The following ACBD6 variants were observed in gnomAD, a reference collection of about 807,000 sequenced individuals.
ACBD6 encodes acyl-CoA binding domain containing 6.
Under a neutral mutation model 37.2 loss-of-function variants are expected in ACBD6, and 28 were observed. The observed-to-expected ratio is 0.75, with a 90% CI of 0.56 to 1.03. The LOEUF (loss-of-function observed/expected upper bound fraction) is 1.03. Ranked by LOEUF, ACBD6 falls within the 50% of genes least tolerant of loss-of-function variation. The pLI, the probability that ACBD6 is intolerant of heterozygous loss-of-function variation, is 0.00. For missense variants in ACBD6, 340 were observed against 337.4 expected (o/e 1.01, Z -0.06); for synonymous variants, 113 against 126.8 (o/e 0.89, Z 0.73).
intron 6 of ACBD6, among the ~76,000 whole-genome samples, chr1:180,371,669 T>A (rs953655903): frequency 6.6e-6 from 1 of 152,132 alleles, no homozygotes; most frequent in African/African-American, 2.4e-5. Flanking sequence ...TGTTTGGTCA[T>A]AAGAGGTAGG....
chr1:180,501,918 A>C (rs1036628442), intron 1 of ACBD6, 127 bp downstream of exon 1: 116 of 656,072 alleles, frequency 1.8e-4, no homozygotes, highest in Non-Finnish European at 2.3e-4. Context: ...AAAAAAAAAA[A>C]CAAAACAAAA....
intron 6 of ACBD6, among the ~76,000 whole-genome samples, chr1:180,362,962 A>G (rs527781622): frequency 5.9e-5 from 9 of 152,208 alleles, no homozygotes; most frequent in Non-Finnish European, 1.3e-4. Flanking sequence ...AGAAACTTTA[A>G]TATTCTCTTT....
intron 6 of ACBD6, among the ~76,000 whole-genome samples, chr1:180,385,456 G>A (rs2101933539): frequency 6.7e-6 from 1 of 149,922 alleles, no homozygotes. Flanking sequence ...TAAATATAAA[G>A]ATACAGTGTT....
intron 7 of ACBD6, among the ~76,000 whole-genome samples, chr1:180,289,550 A>C (rs1649620187): frequency 6.6e-6 from 1 of 152,226 alleles, no homozygotes; most frequent in Non-Finnish European, 1.5e-5. Flanking sequence ...GGTTAAACCT[A>C]AACACACATA....
downstream of ACBD6, among the ~76,000 whole-genome samples, chr1:180,287,830 CG>C (rs1273693610): frequency 6.6e-6 from 1 of 152,130 alleles, no homozygotes; most frequent in African/African-American, 2.4e-5. Context: ...ACACCCCTTA[CG>C]TGACAAAATT....
intron 7 of ACBD6, among the ~76,000 whole-genome samples, chr1:180,309,644 C>T (rs1211167219): frequency 6.6e-6 from 1 of 152,174 alleles, no homozygotes; most frequent in Non-Finnish European, 1.5e-5. Flanking sequence ...GAGCAGTGAA[C>T]TCTAGACCGT....
intron 6 of ACBD6, among the ~76,000 whole-genome samples, chr1:180,384,412 C>G (rs1459405333): frequency 6.6e-6 from 1 of 152,082 alleles, no homozygotes; most frequent in Non-Finnish European, 1.5e-5. Flanking sequence ...AAATGCTTAA[C>G]ATCACTAATC....
At chr1:180,365,668 G>A (rs1292871196) in intron 6 of ACBD6, among the ~76,000 whole-genome samples, 2 of 152,092 alleles carry the variant, frequency 1.3e-5, no homozygotes, top group Non-Finnish European at 2.9e-5. Context: ...CTTTGTAAGA[G>A]CAACACTACA....
At chr1:180,349,452 T>C (rs1652320603) in intron 6 of ACBD6, among the ~76,000 whole-genome samples, 1 of 151,984 alleles carries the variant, frequency 6.6e-6, no homozygotes, top group Non-Finnish European at 1.5e-5. Flanking sequence ...AGATGGGGTT[T>C]CACCGTGTTA....
At chr1:180,432,424 A>C (rs1369969428) in intron 3 of ACBD6, among the ~76,000 whole-genome samples, 1 of 152,170 alleles carries the variant, frequency 6.6e-6, no homozygotes, top group Non-Finnish European at 1.5e-5. Context: ...TAAGTTACCC[A>C]ATGAAAAACG....
chr1:180,303,952 A>T (rs1475101627), intron 7 of ACBD6, among the ~76,000 whole-genome samples: 1 of 151,028 alleles, frequency 6.6e-6, no homozygotes, highest in Non-Finnish European at 1.5e-5. Flanking sequence ...CTGGTTCAAC[A>T]TACGCAAATC....
chr1:180,443,805 A>G (rs1210074816), intron 3 of ACBD6, among the ~76,000 whole-genome samples: 1 of 125,126 alleles, frequency 8.0e-6, no homozygotes, highest in Admixed American at 8.0e-5. Context: ...TTGTATTTTT[A>G]GTAGAGACAG....
chr1:180,465,915 C>G (rs534598972), intron 3 of ACBD6, among the ~76,000 whole-genome samples: 1 of 152,086 alleles, frequency 6.6e-6, no homozygotes, highest in Admixed American at 6.6e-5. Flanking sequence ...GAACAGAAAA[C>G]CAAATACCGT....
chr1:180,305,190 C>T (rs893981102), intron 7 of ACBD6, among the ~76,000 whole-genome samples: 1 of 152,140 alleles, frequency 6.6e-6, no homozygotes, highest in Admixed American at 6.5e-5. Context: ...TAGGCATGGG[C>T]AAGGACTTCA....
chr1:180,313,692 A>G (rs991120829), intron 7 of ACBD6, among the ~76,000 whole-genome samples: 1 of 152,122 alleles, frequency 6.6e-6, no homozygotes, highest in Non-Finnish European at 1.5e-5. Flanking sequence ...AGCCATATTC[A>G]CACCCAAATA....
At chr1:180,294,239 A>C (rs1649828959) in intron 7 of ACBD6, among the ~76,000 whole-genome samples, 1 of 152,092 alleles carries the variant, frequency 6.6e-6, no homozygotes, top group Admixed American at 6.5e-5. Context: ...TGTCTTTAAA[A>C]AAATTTGTCC....
chr1:180,421,185 G>A lies in ACBD6; in HGVS notation c.468-7714C>T, dbSNP rs1172542118. Reference sequence around the variant, plus strand: ...GCTCTCCCTCCCCCTACTCCCCAAGGAGCTTAGTGTGTGTTGTTTCCCTCC... The same window carrying A: ...GCTCTCCCTCCCCCTACTCCCCAAGAAGCTTAGTGTGTGTTGTTTCCCTCC... On this transcript the variant is annotated intron_variant, in intron 4 of 7. Transcript: ENST00000367595. 2.0e-5 allele frequency among the ~76,000 whole-genome samples: 3 copies of A among 152,114 alleles called. No individual in the cohort carries two copies. The East Asian group carries it at 5.8e-4, about 29-fold the overall frequency.
intron 6 of ACBD6, among the ~76,000 whole-genome samples, chr1:180,368,019 A>G (rs553588430): frequency 1.3e-5 from 2 of 152,124 alleles, no homozygotes; most frequent in Admixed American, 1.3e-4. Flanking sequence ...CAGTGAATAC[A>G]TGTTCCCTGT....
intron 6 of ACBD6, among the ~76,000 whole-genome samples, chr1:180,394,494 G>C (rs1275163726): frequency 2.0e-5 from 3 of 151,890 alleles, no homozygotes; most frequent in African/African-American, 4.8e-5. Context: ...AAATAAATGA[G>C]CAAAAATAGT....
Sources: gnomAD v4.1 joint callset for allele counts (sites outside exome capture counted in the v4.1 genomes callset) on GRCh38, gnomAD v4.1.1 for gene constraint, MANE v1.5 for transcripts, NCBI Gene and HGNC (gene_info 2026-07-23, HGNC 2026-07-21) for gene names.